RUNDC3B: variants seen among roughly 807,000 people sequenced by gnomAD.
RUNDC3B encodes RUN domain-containing protein 3B.
A neutral mutation model predicts 58.4 loss-of-function variants in RUNDC3B; 33 were observed. That is an observed-to-expected ratio of 0.56 (90% CI 0.43 to 0.75). The LOEUF (loss-of-function observed/expected upper bound fraction) is 0.75, where lower values mean the gene tolerates loss of function less well. Among genes scored for constraint, RUNDC3B ranks in the 30% least tolerant of loss-of-function variants. The probability of loss-of-function intolerance (pLI) is 0.00; values close to 1 mark genes in which losing one functional copy is unlikely to be tolerated. For synonymous variants in RUNDC3B, 193 were observed against 195.2 expected, an observed-to-expected ratio of 0.99 and a Z score of 0.10; for missense variants, 501 against 535.7, an observed-to-expected ratio of 0.94 and a Z score of 0.64.
intron 1 of RUNDC3B, among the ~76,000 whole-genome samples, chr7:87,640,086 C>T (rs1822268618): frequency 6.7e-6 from 1 of 149,590 alleles, no homozygotes; most frequent in African/African-American, 2.4e-5. Context: ...TGGCAGTTAC[C>T]TTTGGTTTAT....
At chr7:87,661,907 A>G (rs919595163) in intron 2 of RUNDC3B, among the ~76,000 whole-genome samples, 2 of 152,074 alleles carry the variant, frequency 1.3e-5, no homozygotes. Flanking sequence ...CACCCTCACC[A>G]GTATTCATTA....
intron 2 of RUNDC3B, among the ~76,000 whole-genome samples, chr7:87,667,005 G>T (rs1825320310): frequency 6.6e-6 from 1 of 152,112 alleles, no homozygotes; most frequent in South Asian, 2.1e-4. Context: ...TTTTAAAATG[G>T]TTTTTATCTA....
intron 2 of RUNDC3B, among the ~76,000 whole-genome samples, chr7:87,694,628 C>G (rs1828330213): frequency 6.6e-6 from 1 of 152,144 alleles, no homozygotes. Flanking sequence ...TTAATCACTA[C>G]TGACACACAT....
intron 10 of RUNDC3B, among the ~76,000 whole-genome samples, chr7:87,822,303 G>A (rs1395150416): frequency 6.6e-6 from 1 of 152,162 alleles, no homozygotes; most frequent in East Asian, 1.9e-4. Context: ...ATCATCACTG[G>A]CCATCAGAGA....
intron 4 of RUNDC3B, among the ~76,000 whole-genome samples, chr7:87,713,881 G>A (rs1830310383): frequency 6.6e-6 from 1 of 152,144 alleles, no homozygotes; most frequent in South Asian, 2.1e-4. Flanking sequence ...AGATAAATTA[G>A]CTTTATGGAA....
At chr7:87,740,741 A>G (rs1469923268) in intron 5 of RUNDC3B, among the ~76,000 whole-genome samples, 1 of 152,164 alleles carries the variant, frequency 6.6e-6, no homozygotes, top group Admixed American at 6.5e-5. Context: ...TTAAAATTTA[A>G]TAAGCTAGTA....
intron 4 of RUNDC3B, among the ~76,000 whole-genome samples, chr7:87,736,876 TA>T (rs1563173175): frequency 6.0e-4 from 22 of 36,916 alleles, no homozygotes; most frequent in African/African-American, 2.7e-3. Flanking sequence ...TATATATATA[TA>T]TATATATATA....
intron 8 of RUNDC3B, among the ~76,000 whole-genome samples, chr7:87,791,637 T>C (rs533841467): frequency 2.6e-5 from 4 of 152,178 alleles, no homozygotes; most frequent in African/African-American, 9.6e-5. Context: ...ATGTAATGAA[T>C]GTCATCAGTT....
chr7:87,781,213 A>G (rs1351852518), intron 8 of RUNDC3B, among the ~76,000 whole-genome samples: 1 of 152,084 alleles, frequency 6.6e-6, no homozygotes, highest in Non-Finnish European at 1.5e-5. Context: ...CAAATTGTTT[A>G]GATGTATTCT....
At chr7:87,720,305 TTTAGATAGAAAGA>T (rs1483235671) in intron 4 of RUNDC3B, among the ~76,000 whole-genome samples, 2 of 151,960 alleles carry the variant, frequency 1.3e-5, no homozygotes, top group African/African-American at 4.8e-5. Context: ...TTTAGCCAAG[TTTAGATAGAAAGA>T]TGAGAGAGAG....
intron 2 of RUNDC3B, among the ~76,000 whole-genome samples, chr7:87,693,543 C>T (rs1190478700): frequency 6.6e-6 from 1 of 152,048 alleles, no homozygotes; most frequent in Non-Finnish European, 1.5e-5. Flanking sequence ...TGAGGTGCAT[C>T]GCCAGCAAGT....
chr7:87,794,208 G>T (rs1835684476), intron 8 of RUNDC3B, among the ~76,000 whole-genome samples: 1 of 152,132 alleles, frequency 6.6e-6, no homozygotes, highest in South Asian at 2.1e-4. Flanking sequence ...AGGCCGAGGT[G>T]GGCGGATCAC....
intron 8 of RUNDC3B, among the ~76,000 whole-genome samples, chr7:87,799,952 A>G (rs571117093): frequency 2.0e-5 from 3 of 152,132 alleles, no homozygotes; most frequent in African/African-American, 4.8e-5. Flanking sequence ...AAATTACAAC[A>G]ATTTGCTATA....
chr7:87,739,710 G>C, intron 4 of RUNDC3B, 81 bp from the exon 5 acceptor site: 1 of 569,120 alleles, frequency 1.8e-6, no homozygotes, highest in South Asian at 2.9e-5. Flanking sequence ...TCCTACAATA[G>C]TTTGGGCTCT....
At chr7:87,713,105 T>G (rs575782200) in intron 4 of RUNDC3B, 1 of 152,314 alleles carries the variant, frequency 6.6e-6, no homozygotes, top group South Asian at 2.1e-4. Context: ...GACAAATATA[T>G]TCATAAGATT....
chr7:87,684,916 A>G (rs1337714594), intron 2 of RUNDC3B, among the ~76,000 whole-genome samples: 1 of 152,168 alleles, frequency 6.6e-6, no homozygotes, highest in Non-Finnish European at 1.5e-5. Flanking sequence ...TGTGCAAAAA[A>G]AAAGTGAACC....
intron 4 of RUNDC3B, among the ~76,000 whole-genome samples, chr7:87,715,493 ATAAT>A (rs1830506297): frequency 7.4e-6 from 1 of 135,586 alleles, no homozygotes; most frequent in Non-Finnish European, 1.5e-5. Context: ...AATAATACAT[ATAAT>A]TATATTATAT....
At chr7:87,703,914 G>GTTTT (rs35797972) in intron 3 of RUNDC3B, among the ~76,000 whole-genome samples, 210 of 42,958 alleles carry the variant, frequency 4.9e-3, no homozygotes, top group Middle Eastern at 0.022. Flanking sequence ...TTTTTTTTTG[G>GTTTT]TTTTTTTTTT....
chr7:87,682,507 A>T (rs1827025746), intron 2 of RUNDC3B, among the ~76,000 whole-genome samples: 1 of 152,192 alleles, frequency 6.6e-6, no homozygotes, highest in Admixed American at 6.5e-5. Flanking sequence ...TGGGCTACAG[A>T]TTGGATGTTG....
Sources: allele counts gnomAD v4.1 joint callset (sites outside exome capture counted in the v4.1 genomes callset), GRCh38; gene constraint gnomAD v4.1.1; transcripts MANE v1.5; gene names NCBI Gene and HGNC (gene_info 2026-07-23, HGNC 2026-07-21).